Variants in SCN10A observed in about 807,000 individuals in gnomAD.
SCN10A encodes the protein sodium channel protein type 10 subunit alpha.
A neutral mutation model predicts 170.7 loss-of-function variants in SCN10A; 162 were observed. The observed-to-expected ratio is 0.95, with a 90% confidence interval of 0.84 to 1.08. The LOEUF (loss-of-function observed/expected upper bound fraction) is 1.08, where lower values mean the gene tolerates loss of function less well. Ranked by LOEUF, SCN10A falls within the 50% of genes least tolerant of loss-of-function variation. SCN10A has a pLI of 0.00. For synonymous variants in SCN10A, 985 were observed against 904.6 expected, an observed-to-expected ratio of 1.09 and a Z score of -1.59; for missense variants, 2,527 against 2,436.9, an observed-to-expected ratio of 1.04 and a Z score of -0.78.
At chr3:38,776,136 T>G (rs1260641102) in intron 4 of SCN10A, among the ~76,000 whole-genome samples, 1 of 152,064 alleles carries the variant, frequency 6.6e-6, no homozygotes, top group East Asian at 1.9e-4. Flanking sequence ...GACAAAAGGA[T>G]CATTGGTCCA....
At position 38,701,416 on chromosome 3, in the gene SCN10A, A is replaced by T. The variant is rs73825863; in HGVS notation, c.4657+423T>A. Among the ~76,000 whole-genome samples the T allele has an allele frequency of 3.4e-3, 516 of 152,302 alleles. 1 individual carries two copies. The highest frequency in any genetic ancestry group is 0.012 in the African/African-American group (482 of 41,552). On this transcript the variant is annotated intron_variant, in intron 27 of 27. Transcript: ENST00000449082. ...CCAGTCTTTCCTCACTTTGATGGCAATCCATCTCCTTTTCCAGAACAGATT... is the reference window on the plus strand; with the variant it reads ...CCAGTCTTTCCTCACTTTGATGGCATTCCATCTCCTTTTCCAGAACAGATT...
At chr3:38,742,799 A>G (rs539229154) in intron 13 of SCN10A, among the ~76,000 whole-genome samples, 2 of 152,146 alleles carry the variant, frequency 1.3e-5, no homozygotes, top group Non-Finnish European at 2.9e-5. Flanking sequence ...TTACTTCTCA[A>G]TTTGCCCAGC....
chr3:38,795,310 C>A (rs2064332441), intron 1 of SCN10A, among the ~76,000 whole-genome samples: 1 of 151,128 alleles, frequency 6.6e-6, no homozygotes, highest in African/African-American at 2.4e-5. Context: ...GGGCCCTTCT[C>A]AGTTCTTGTC....
In SCN10A at chr3:38,709,513, C is replaced by T. The variant is rs745797756; in HGVS notation, c.4246G>A (p.Val1416Ile). 6.2e-7 allele frequency: 1 copy of T among 1,612,122 alleles called. No individual in the cohort carries two copies. Among genetic ancestry groups the T allele is most frequent in the East Asian group, 2.2e-5 (1 of 44,802 alleles). Residue 1416 changes from valine to isoleucine, a missense_variant, in exon 25 of 28, where the codon GTC (valine) becomes ATC (isoleucine). By Grantham distance (29) the Val-to-Ile change is conservative. Coordinates refer to ENST00000449082, the MANE Select transcript of SCN10A (RefSeq NM_006514.4). ...GFFTLNLFVG[V>I]IIDNFNQQKK... ...TGTTGATTGAAGTTGTCAATTATGA[C>T]CCCAACAAAGAGATTCAGTGTGAAG... is the stretch of plus-strand genomic sequence containing the variant.
chr3:38,730,935 C>T (rs921207202), intron 15 of SCN10A, among the ~76,000 whole-genome samples: 2 of 152,060 alleles, frequency 1.3e-5, no homozygotes, highest in African/African-American at 4.8e-5. Flanking sequence ...AATAGAATGG[C>T]GTGGAGGCTA....
chr3:38,717,994 A>G (rs2063350237), intron 21 of SCN10A, among the ~76,000 whole-genome samples: 1 of 152,236 alleles, frequency 6.6e-6, no homozygotes, highest in South Asian at 2.1e-4. Flanking sequence ...ACAGGTTACC[A>G]TGAGTGTGAA....
chr3:38,805,195 C>G (rs1374764075), intron 1 of SCN10A, among the ~76,000 whole-genome samples: 4 of 152,036 alleles, frequency 2.6e-5, no homozygotes, highest in African/African-American at 9.7e-5. Context: ...GAATAAGGAG[C>G]ATATTGTAAG....
At chr3:38,698,611 C>G (rs114963216) in intron 27 of SCN10A, 49 bp from the exon 28 acceptor site, 5 of 1,560,518 alleles carry the variant, frequency 3.2e-6, no homozygotes, top group African/African-American at 1.4e-5. Flanking sequence ...AGCCATGAGA[C>G]GTGACAAAGT....
At chr3:38,756,083 G>C (rs1247886356) in intron 10 of SCN10A, 125 bp from the exon 11 acceptor site, 9 of 983,760 alleles carry the variant, frequency 9.1e-6, no homozygotes, top group Non-Finnish European at 1.2e-5. Context: ...GTTAGGACCA[G>C]GGTGGTGGTG....
intron 26 of SCN10A, among the ~76,000 whole-genome samples, chr3:38,703,947 T>G (rs1020539219): frequency 6.6e-6 from 1 of 152,342 alleles, no homozygotes; most frequent in Middle Eastern, 3.4e-3. Context: ...TGTAAATGAA[T>G]GGAAGACAGA....
At chr3:38,704,372 T>G (rs1305677621) in intron 26 of SCN10A, among the ~76,000 whole-genome samples, 2 of 152,200 alleles carry the variant, frequency 1.3e-5, no homozygotes, top group African/African-American at 4.8e-5. Flanking sequence ...GGCCCATTCA[T>G]GGTCACATGA....
intron 4 of SCN10A, among the ~76,000 whole-genome samples, chr3:38,771,791 C>T (rs1314501506): frequency 6.6e-6 from 1 of 152,162 alleles, no homozygotes; most frequent in Non-Finnish European, 1.5e-5. Flanking sequence ...AACTGGAGTG[C>T]AGACTGATGA....
At chr3:38,809,550 C>T (rs2064426763) in intron 1 of SCN10A, among the ~76,000 whole-genome samples, 1 of 152,148 alleles carries the variant, frequency 6.6e-6, no homozygotes, top group African/African-American at 2.4e-5. Flanking sequence ...CAATTAGGTG[C>T]TGTGGAAGAT....
chr3:38,742,281 G>C lies in SCN10A; in HGVS notation c.2106+10C>G. Reference sequence around the variant, plus strand: ...ACGCCAGTGAGGGCAGTACCAGCCAGAGCACTCACGATGTTGCCTATCTGG... The same window carrying C: ...ACGCCAGTGAGGGCAGTACCAGCCACAGCACTCACGATGTTGCCTATCTGG... On this transcript the variant is annotated intron_variant, in intron 14 of 27. Coordinates refer to ENST00000449082, the MANE Select transcript of SCN10A (RefSeq NM_006514.4). 1 of 1,559,404 alleles carries C rather than the reference G, an allele frequency of 6.4e-7. No homozygotes were observed. Among genetic ancestry groups the C allele is most frequent in the Non-Finnish European group, 8.7e-7 (1 of 1,146,204 alleles).
chr3:38,711,452 G>A (rs1221194014), intron 23 of SCN10A, among the ~76,000 whole-genome samples: 1 of 152,186 alleles, frequency 6.6e-6, no homozygotes, highest in Non-Finnish European at 1.5e-5. Flanking sequence ...TTAATGAGCT[G>A]TTTTAATTCA....
chr3:38,704,410 C>T (rs1008970426), intron 26 of SCN10A, among the ~76,000 whole-genome samples: 1 of 152,168 alleles, frequency 6.6e-6, no homozygotes, highest in Non-Finnish European at 1.5e-5. Context: ...CAGGCAACGG[C>T]ATCGTTAAGT....
intron 15 of SCN10A, among the ~76,000 whole-genome samples, chr3:38,735,341 C>T (rs1474886349): frequency 1.3e-5 from 2 of 151,698 alleles, no homozygotes; most frequent in Non-Finnish European, 2.9e-5. Context: ...CCAAAAATGC[C>T]AGAAAAGAAC....
chr3:38,746,813 A>C (rs922811147), intron 13 of SCN10A, among the ~76,000 whole-genome samples: 3 of 151,884 alleles, frequency 2.0e-5, no homozygotes, highest in African/African-American at 7.3e-5. Flanking sequence ...GGCACTCACC[A>C]CTCCAGTAAG....
At chr3:38,805,274 G>A (rs1374016668) in intron 1 of SCN10A, among the ~76,000 whole-genome samples, 3 of 152,126 alleles carry the variant, frequency 2.0e-5, no homozygotes, top group Non-Finnish European at 4.4e-5. Flanking sequence ...CTGAGCTGGT[G>A]CTGAGAAATA....
Sources: allele counts gnomAD v4.1 joint callset (sites outside exome capture counted in the v4.1 genomes callset), GRCh38; gene constraint gnomAD v4.1.1; transcripts MANE v1.5; gene names NCBI Gene and HGNC (gene_info 2026-07-23, HGNC 2026-07-21).